The following RPSA2 variants were observed in gnomAD, a reference collection of about 807,000 sequenced individuals.
RPSA2 encodes small ribosomal subunit protein uS2B.
At chr19:23,784,358 G>T in the RPSA2 span, among the ~76,000 whole-genome samples, 3 of 152,210 alleles carry the variant, frequency 2.0e-5, no homozygotes, top group East Asian at 3.9e-4. Flanking sequence ...AGCCCACTGG[G>T]TGAGGTCCTG....
the RPSA2 span, among the ~76,000 whole-genome samples, chr19:23,779,375 G>A: frequency 6.6e-5 from 10 of 152,164 alleles, no homozygotes; most frequent in African/African-American, 2.4e-4. Flanking sequence ...AGAAGGTATT[G>A]TGATGTATCA....
chr19:23,820,320 C>T, the RPSA2 span, among the ~76,000 whole-genome samples: 1 of 152,192 alleles, frequency 6.6e-6, no homozygotes, highest in Non-Finnish European at 1.5e-5. Flanking sequence ...GTGGAATTGC[C>T]TCACAAATTT....
the RPSA2 span, among the ~76,000 whole-genome samples, chr19:23,830,257 G>C: frequency 1.3e-5 from 2 of 152,096 alleles, no homozygotes; most frequent in East Asian, 3.9e-4. Flanking sequence ...TGGTTCTCCA[G>C]CCTCAGCCTC....
the RPSA2 span, among the ~76,000 whole-genome samples, chr19:23,793,456 T>C: frequency 1.3e-4 from 20 of 152,186 alleles, no homozygotes; most frequent in African/African-American, 4.8e-4. Context: ...TTTTATATTA[T>C]GTTATGTATT....
chr19:23,760,912 A>T, the RPSA2 span, among the ~76,000 whole-genome samples: 5 of 151,230 alleles, frequency 3.3e-5, no homozygotes, highest in Non-Finnish European at 7.4e-5. Context: ...TGATCTGCCC[A>T]CCTCGGCCTC....
chr19:23,779,996 G>A, the RPSA2 span, among the ~76,000 whole-genome samples: 1 of 152,194 alleles, frequency 6.6e-6, no homozygotes, highest in Non-Finnish European at 1.5e-5. Flanking sequence ...TCTCCTGCGT[G>A]ATTTCTGCCA....
the RPSA2 span, among the ~76,000 whole-genome samples, chr19:23,810,010 C>T: frequency 6.6e-6 from 1 of 152,018 alleles, no homozygotes; most frequent in Non-Finnish European, 1.5e-5. Flanking sequence ...TGATAGAATG[C>T]CCTCTGGGTT....
chr19:23,864,605 T>A, the RPSA2 span, among the ~76,000 whole-genome samples: 148,944 of 152,270 alleles, frequency 0.98, 72,939 homozygotes, highest in Middle Eastern at 1. Context: ...TTGCTTATTC[T>A]AAAGTTGGCT....
the RPSA2 span, among the ~76,000 whole-genome samples, chr19:23,795,816 C>T: frequency 3.3e-5 from 5 of 152,306 alleles, no homozygotes; most frequent in Middle Eastern, 3.4e-3. Flanking sequence ...CCCTTTGTCT[C>T]CCAGGCTGGA....
chr19:23,863,086 C>T, the RPSA2 span, among the ~76,000 whole-genome samples: 1 of 152,120 alleles, frequency 6.6e-6, no homozygotes, highest in Non-Finnish European at 1.5e-5. Context: ...TCTGCTTCTA[C>T]TGCTATCATG....
the RPSA2 span, among the ~76,000 whole-genome samples, chr19:23,789,221 G>A: frequency 2.0e-5 from 3 of 151,948 alleles, no homozygotes; most frequent in Non-Finnish European, 2.9e-5. Flanking sequence ...GTGTGGTCTC[G>A]AACTCCTGAC....
At chr19:23,780,502 G>A in the RPSA2 span, among the ~76,000 whole-genome samples, 8 of 152,080 alleles carry the variant, frequency 5.3e-5, no homozygotes, top group Non-Finnish European at 1.2e-4. Flanking sequence ...AATTAGCCAG[G>A]CGAGGTGGTG....
the RPSA2 span, chr19:23,817,663 A>T: frequency 2.5e-5 from 1 of 39,660 alleles, no homozygotes; most frequent in Non-Finnish European, 5.3e-5. Context: ...CAAAAAGCTG[A>T]GCCTTGGACT....
the RPSA2 span, chr19:23,809,304 C>T: frequency 4.2e-3 from 646 of 152,308 alleles, 6 homozygotes; most frequent in Non-Finnish European, 8.2e-3. Context: ...AGTATGATGT[C>T]CTTCTGCTTT....
chr19:23,761,160 T>C, the RPSA2 span, among the ~76,000 whole-genome samples: 2 of 151,280 alleles, frequency 1.3e-5, no homozygotes, highest in Non-Finnish European at 2.9e-5. Context: ...GAATGATGGG[T>C]CACTGCAGCC....
the RPSA2 span, chr19:23,833,155 G>A: frequency 2.3e-3 from 2,730 of 1,196,990 alleles, 2 homozygotes; most frequent in Non-Finnish European, 2.7e-3. Flanking sequence ...GGAAGAATGT[G>A]CCAATGCCTT....
chr19:23,808,262 T>G, the RPSA2 span, among the ~76,000 whole-genome samples: 18,615 of 91,888 alleles, frequency 0.2, 1,404 homozygotes, highest in South Asian at 0.31. Context: ...ATTAAGAACC[T>G]ACAAAATTAA....
At chr19:23,812,859 A>AT in the RPSA2 span, among the ~76,000 whole-genome samples, 1 of 152,056 alleles carries the variant, frequency 6.6e-6, no homozygotes, top group Admixed American at 6.6e-5. Context: ...ATAATTTGGT[A>AT]TTTTTTTCAG....
chr19:23,773,253 C>T, the RPSA2 span, among the ~76,000 whole-genome samples: 7 of 146,974 alleles, frequency 4.8e-5, no homozygotes, highest in East Asian at 2.0e-4. Context: ...CCTGCCACCA[C>T]GCCTGGCTAA....
Sources: allele counts gnomAD v4.1 joint callset (sites outside exome capture counted in the v4.1 genomes callset), GRCh38; gene constraint gnomAD v4.1.1; transcripts MANE v1.5; gene names NCBI Gene and HGNC (gene_info 2026-07-23, HGNC 2026-07-21).